Variants in SLCO1A2 observed in about 807,000 individuals in gnomAD.
SLCO1A2 encodes OATP-1.
SLCO1A2 carries 67 observed loss-of-function variants against 69.0 expected under a neutral mutation model. That is an observed-to-expected ratio of 0.97 (90% CI 0.80 to 1.19). SLCO1A2 has a LOEUF of 1.19. Among genes scored for constraint, SLCO1A2 ranks in the 50% most tolerant of loss-of-function variants. The probability of loss-of-function intolerance (pLI) is 0.00; values close to 1 mark genes in which losing one functional copy is unlikely to be tolerated. For synonymous variants in SLCO1A2, 260 were observed against 265.9 expected, an observed-to-expected ratio of 0.98 and a Z score of 0.22; for missense variants, 787 against 793.7, an observed-to-expected ratio of 0.99 and a Z score of 0.10.
intron 2 of SLCO1A2, among the ~76,000 whole-genome samples, chr12:21,323,578 G>T (rs145343822): frequency 1.3e-5 from 2 of 152,086 alleles, no homozygotes; most frequent in Non-Finnish European, 2.9e-5. Context: ...CTCAAAAAAA[G>T]AAATAAATAA....
chr12:21,352,149 T>A (rs1312430741), intron 2 of SLCO1A2, among the ~76,000 whole-genome samples: 4 of 152,138 alleles, frequency 2.6e-5, no homozygotes, highest in Non-Finnish European at 5.9e-5. Flanking sequence ...GGTCTACTAT[T>A]TTATTTCATA....
chr12:21,368,808 T>C (rs934179099), intron 2 of SLCO1A2, among the ~76,000 whole-genome samples: 6 of 152,120 alleles, frequency 3.9e-5, no homozygotes, highest in African/African-American at 1.2e-4. Context: ...ACACCTAATA[T>C]TGATATAATT....
chr12:21,289,657 A>G (rs547291269), intron 12 of SLCO1A2, among the ~76,000 whole-genome samples: 93 of 152,224 alleles, frequency 6.1e-4, no homozygotes, highest in Middle Eastern at 3.4e-3. Flanking sequence ...AAACCAGTAA[A>G]TGTAAGAAAA....
chr12:21,373,427 G>C, intron 2 of SLCO1A2: 2 of 1,609,232 alleles, frequency 1.2e-6, no homozygotes, highest in Non-Finnish European at 1.7e-6. Flanking sequence ...TACACCCATT[G>C]AAAGGTTGGT....
At chr12:21,417,623 CATGA>C (rs1565536332) in intron 1 of SLCO1A2, among the ~76,000 whole-genome samples, 1 of 151,612 alleles carries the variant, frequency 6.6e-6, no homozygotes, top group Non-Finnish European at 1.5e-5. Context: ...GCAATTTATA[CATGA>C]ATAATTTATT....
intron 2 of SLCO1A2, among the ~76,000 whole-genome samples, chr12:21,368,802 C>T (rs978230747): frequency 1.3e-5 from 2 of 151,862 alleles, no homozygotes; most frequent in Admixed American, 1.3e-4. Context: ...AGATGTACAC[C>T]TAATATTGAT....
At position 21,268,800 on chromosome 12, in the gene SLCO1A2, T is replaced by C. The variant is rs886442164; in HGVS notation, c.*748A>G. The stretch of plus-strand genomic sequence containing the variant: ...CCTTTAAGAACTGGAGTTTTTATAA[T>C]ATTGTCCTTTCATCCTTTGATTCAG... On this transcript the variant is annotated 3_prime_UTR_variant, in exon 15 of 15. Coordinates refer to ENST00000683939, the MANE Select transcript of SLCO1A2 (RefSeq NM_001386879.1). 6.6e-6 allele frequency: 1 copy of C among 152,042 alleles called. No homozygotes were observed. The highest frequency in any genetic ancestry group is 2.4e-5 in the African/African-American group (1 of 41,430). The allele number at this position is 152,042 out of a possible 1,614,324, so 9.4% of individuals were successfully genotyped here.
intron 2 of SLCO1A2, among the ~76,000 whole-genome samples, chr12:21,323,783 A>G (rs894700094): frequency 2.4e-4 from 37 of 152,088 alleles, no homozygotes; most frequent in African/African-American, 8.7e-4. Context: ...GAGGGCAAAA[A>G]ACTTTGTTTT....
At chr12:21,276,137 T>C (rs1943785570) in intron 12 of SLCO1A2, among the ~76,000 whole-genome samples, 1 of 152,142 alleles carries the variant, frequency 6.6e-6, no homozygotes, top group Non-Finnish European at 1.5e-5. Flanking sequence ...GTCTCAGATG[T>C]GTAAGGTTTG....
intron 2 of SLCO1A2, among the ~76,000 whole-genome samples, chr12:21,328,600 G>A (rs1952410832): frequency 6.6e-6 from 1 of 152,034 alleles, no homozygotes; most frequent in Non-Finnish European, 1.5e-5. Context: ...TCCTAACCTT[G>A]GCCCACCACC....
chr12:21,391,575 T>C (rs561235678), intron 1 of SLCO1A2, among the ~76,000 whole-genome samples: 5 of 152,252 alleles, frequency 3.3e-5, no homozygotes, highest in African/African-American at 4.8e-5. Flanking sequence ...AAAAGGATAG[T>C]AAGTGCAGGT....
intron 2 of SLCO1A2, among the ~76,000 whole-genome samples, chr12:21,352,011 G>T (rs551947627): frequency 6.6e-6 from 1 of 152,124 alleles, no homozygotes; most frequent in South Asian, 2.1e-4. Context: ...AACAGTGTGT[G>T]GCATAAACGA....
intron 2 of SLCO1A2, among the ~76,000 whole-genome samples, chr12:21,320,076 A>G (rs958415057): frequency 1.3e-5 from 2 of 152,108 alleles, no homozygotes; most frequent in Non-Finnish European, 2.9e-5. Flanking sequence ...CCTATTGAAG[A>G]CAGTTTCTGA....
rs1446985483 is a variant in SLCO1A2 at position 21,320,985 on chromosome 12, T to C, written c.61-2062A>G. On this transcript the variant is annotated intron_variant, in intron 2 of 14. Coordinates refer to ENST00000683939, the MANE Select transcript of SLCO1A2 (RefSeq NM_001386879.1). ...CTGTTTAGAAGAATGGTCTAGACTC[T>C]AGACTGTTTAACCTTCCATCCACCC... 2.0e-5 allele frequency among the ~76,000 whole-genome samples: 3 copies of C among 152,340 alleles called. No homozygotes were observed. In the East Asian group the frequency reaches 5.8e-4, roughly 29 times the overall value.
chr12:21,373,620 T>C lies in SLCO1A2; in HGVS notation c.-63+779A>G, dbSNP rs1343826970. 2.9e-6 allele frequency: 2 copies of C among 700,426 alleles called. 1 individual carries two copies. The highest frequency in any genetic ancestry group is 3.0e-5 in the South Asian group (2 of 67,200). 43.4% of individuals were successfully genotyped at this position (700,426 alleles called of 1,614,324 possible). The stretch of plus-strand genomic sequence containing the variant: ...GAATAACACCAGTGGCAAATAAATA[T>C]CTTTGATGGAACTTCTGACAGACAG... On this transcript the variant is annotated intron_variant, in intron 2 of 15. Transcript: ENST00000307378.
intron 2 of SLCO1A2, among the ~76,000 whole-genome samples, chr12:21,333,822 A>G (rs1392191415): frequency 6.6e-6 from 1 of 152,090 alleles, no homozygotes; most frequent in Non-Finnish European, 1.5e-5. Flanking sequence ...CTTAATTAAC[A>G]TACCATTTCA....
At chr12:21,415,700 A>G (rs1043142838) in intron 1 of SLCO1A2, among the ~76,000 whole-genome samples, 1 of 151,810 alleles carries the variant, frequency 6.6e-6, no homozygotes, top group Non-Finnish European at 1.5e-5. Flanking sequence ...GGAAGTTTTT[A>G]TATTTTTTCT....
At chr12:21,372,988 C>T (rs556230207) in intron 2 of SLCO1A2, 180 of 261,040 alleles carry the variant, frequency 6.9e-4, no homozygotes, top group African/African-American at 4.0e-3. Context: ...ATATTGCTGA[C>T]ATTGAAACAT....
chr12:21,378,538 G>A (rs1018995641), intron 1 of SLCO1A2: 1 of 901,338 alleles, frequency 1.1e-6, no homozygotes, highest in Non-Finnish European at 1.8e-6. Context: ...TCTGATGTTT[G>A]TTGCTAGGAC....
Sources: allele counts gnomAD v4.1 joint callset (sites outside exome capture counted in the v4.1 genomes callset), GRCh38; gene constraint gnomAD v4.1.1; transcripts MANE v1.5; gene names NCBI Gene and HGNC (gene_info 2026-07-23, HGNC 2026-07-21).